Variants in CCDC13 observed in about 807,000 individuals in gnomAD.
CCDC13 encodes the protein coiled-coil domain-containing protein 13.
Under a neutral mutation model 87.3 loss-of-function variants are expected in CCDC13, and 70 were observed. The observed-to-expected ratio is 0.80, with a 90% CI of 0.66 to 0.98. CCDC13 has a LOEUF of 0.98. Among genes scored for constraint, CCDC13 ranks in the 50% least tolerant of loss-of-function variants. CCDC13 has a pLI of 0.00. For synonymous variants in CCDC13, 317 were observed against 360.3 expected (o/e 0.88, Z 1.36); for missense variants, 842 against 892.0 (o/e 0.94, Z 0.71).
intron 7 of CCDC13, among the ~76,000 whole-genome samples, chr3:42,744,260 A>G (rs969455318): frequency 6.6e-6 from 1 of 152,176 alleles, no homozygotes; most frequent in African/African-American, 2.4e-5. Flanking sequence ...CCACAGAACA[A>G]TGCCCTTATC....
At chr3:42,760,799 A>C (rs1380871311) in intron 1 of CCDC13, among the ~76,000 whole-genome samples, 2 of 151,976 alleles carry the variant, frequency 1.3e-5, no homozygotes, top group Non-Finnish European at 2.9e-5. Context: ...ATTAATTAAA[A>C]TAAAATAAAA....
In CCDC13 at chr3:42,768,595, G is replaced by C. The variant is rs923419942; in HGVS notation, c.-7+4581C>G. On this transcript the variant is annotated intron_variant, in intron 1 of 15. Transcript: ENST00000310232. ...ACCTGCAGTCCCAGCTACTCGGAAGGCTGAGGCAGGAGAATCGCTTGAACC... is the reference window on the plus strand; with the variant it reads ...ACCTGCAGTCCCAGCTACTCGGAAGCCTGAGGCAGGAGAATCGCTTGAACC... Among the ~76,000 whole-genome samples the C allele has an allele frequency of 5.3e-5, 8 of 152,236 alleles. No homozygotes were observed. In the East Asian group the frequency reaches 1.5e-3, roughly 29 times the overall value.
chr3:42,727,390 T>G (rs1698716172), intron 13 of CCDC13, among the ~76,000 whole-genome samples: 1 of 150,850 alleles, frequency 6.6e-6, no homozygotes, highest in Non-Finnish European at 1.5e-5. Context: ...AAAAGAAAAA[T>G]AAATAAATAA....
At chr3:42,757,820 T>C (rs1002029636) in intron 2 of CCDC13, among the ~76,000 whole-genome samples, 1 of 152,032 alleles carries the variant, frequency 6.6e-6, no homozygotes, top group Non-Finnish European at 1.5e-5. Context: ...AAATCAATAA[T>C]AAAAAATAGA....
rs551637301 is a variant in CCDC13, at chr3:42,741,863, C to G, written c.987+1033G>C. 2.9e-4 allele frequency among the ~76,000 whole-genome samples: 44 copies of G among 152,356 alleles called. No homozygotes were observed. The South Asian group carries it at 8.9e-3, about 31-fold the overall frequency. ...GGTCTCACTGTTTCCCTCCTCACAG[C>G]TGATGGTCTACAGCGCTGGGAGGTG... On this transcript the variant is annotated intron_variant, in intron 8 of 15. Coordinates refer to ENST00000310232, the MANE Select transcript of CCDC13 (RefSeq NM_144719.4).
chr3:42,744,966 G>T (rs140480190), intron 7 of CCDC13: 14 of 152,308 alleles, frequency 9.2e-5, no homozygotes, highest in African/African-American at 3.1e-4. Flanking sequence ...GACATAGGAA[G>T]ATGAAGGGGT....
intron 1 of CCDC13, among the ~76,000 whole-genome samples, chr3:42,763,136 A>C (rs1699867698): frequency 6.6e-6 from 1 of 152,232 alleles, no homozygotes; most frequent in Non-Finnish European, 1.5e-5. Context: ...AGTGAGGTAC[A>C]GAAACAGCTA....
intron 5 of CCDC13, among the ~76,000 whole-genome samples, chr3:42,748,576 G>C (rs183824427): frequency 7.9e-5 from 12 of 152,334 alleles, no homozygotes; most frequent in Admixed American, 7.2e-4. Context: ...ACAGATCCAA[G>C]TATACTGGGT....
At chr3:42,742,746 G>T in intron 8 of CCDC13, 150 bp downstream of exon 8, 2 of 897,202 alleles carry the variant, frequency 2.2e-6, no homozygotes, top group Non-Finnish European at 3.4e-6. Flanking sequence ...AGGACATGAG[G>T]AACATGCAGA....
chr3:42,749,779 C>A, intron 5 of CCDC13: 1 of 431,210 alleles, frequency 2.3e-6, no homozygotes, highest in Non-Finnish European at 4.7e-6. Flanking sequence ...ATAACTAAAG[C>A]GCAGTACATG....
intron 1 of CCDC13, among the ~76,000 whole-genome samples, chr3:42,772,075 C>G (rs1379895899): frequency 1.3e-5 from 2 of 151,652 alleles, no homozygotes; most frequent in Non-Finnish European, 2.9e-5. Context: ...AGTTTGAGAC[C>G]AGCCTGGCCA....
chr3:42,708,756 C>A lies in CCDC13; in HGVS notation c.*224G>T. The A allele has an allele frequency of 2.2e-6, 1 of 449,134 alleles. No individual in the cohort carries two copies. Among genetic ancestry groups the A allele is most frequent in the Non-Finnish European group, 3.9e-6 (1 of 259,388 alleles). The allele number at this position is 449,134 out of a possible 1,614,324, so 27.8% of individuals were successfully genotyped here. On this transcript the variant is annotated 3_prime_UTR_variant, in exon 16 of 16. Coordinates refer to ENST00000310232, the MANE Select transcript of CCDC13 (RefSeq NM_144719.4). ...TGCTGGGCCTCCCTGCTGCTGTAAC[C>A]CAGCCAGCCCAGGGTCTCCTGCAGT...
chr3:42,742,780 T>C, intron 8 of CCDC13, 116 bp downstream of exon 8: 1 of 1,327,842 alleles, frequency 7.5e-7, no homozygotes, highest in Non-Finnish European at 1.0e-6. Context: ...CCCAGGTGTC[T>C]CCTGCCTAGA....
At chr3:42,769,568 C>T (rs575107961) in intron 1 of CCDC13, among the ~76,000 whole-genome samples, 58 of 152,248 alleles carry the variant, frequency 3.8e-4, no homozygotes, top group Non-Finnish European at 7.2e-4. Flanking sequence ...TCGCAGCCCT[C>T]GCTCACTCTG....
At chr3:42,730,099 T>C (rs530792781) in intron 13 of CCDC13, among the ~76,000 whole-genome samples, 2 of 152,224 alleles carry the variant, frequency 1.3e-5, no homozygotes, top group South Asian at 4.2e-4. Flanking sequence ...CTAGCTTGTG[T>C]TTTCTTCCCA....
intron 1 of CCDC13, among the ~76,000 whole-genome samples, chr3:42,768,799 T>C (rs779433717): frequency 2.6e-5 from 4 of 151,978 alleles, no homozygotes; most frequent in Non-Finnish European, 5.9e-5. Context: ...ATCCAACATA[T>C]ACAAAGAATT....
Position 42,757,234 on chromosome 3 carries a change from T to C in CCDC13, c.222-20A>G. 2.5e-6 allele frequency: 4 copies of C among 1,608,634 alleles called. No individual in the cohort carries two copies. Among genetic ancestry groups the C allele is most frequent in the Non-Finnish European group, 2.5e-6 (3 of 1,176,980 alleles). ...AGCACCCTACAAGGCAAAGGCAGAA[T>C]TAATGCTCCTCCAAGGCAAAGGCCC... On this transcript the variant is annotated intron_variant, in intron 2 of 15. Coordinates refer to ENST00000310232, the MANE Select transcript of CCDC13 (RefSeq NM_144719.4).
chr3:42,707,160 A>T lies in CCDC13; in HGVS notation c.*1820T>A, dbSNP rs920771468. On this transcript the variant is annotated 3_prime_UTR_variant, in exon 16 of 16. Coordinates refer to ENST00000310232, the MANE Select transcript of CCDC13 (RefSeq NM_144719.4). ...CAGAGCCTGTACCCCTCATACTCAG[A>T]TCACCCTCTGGAGCTCCTCAGGGCC... 6.6e-5 allele frequency among the ~76,000 whole-genome samples: 10 copies of T among 152,048 alleles called. No homozygotes were observed. The highest frequency in any genetic ancestry group is 2.4e-4 in the African/African-American group (10 of 41,412).
intron 2 of CCDC13, 32 bp downstream of exon 2, chr3:42,758,092 CA>C (rs1699746259): frequency 1.2e-5 from 19 of 1,559,090 alleles, no homozygotes; most frequent in Admixed American, 3.3e-5. Context: ...CACACACACA[CA>C]CACCCCTGAG....
Sources: gnomAD v4.1 joint callset for allele counts (sites outside exome capture counted in the v4.1 genomes callset) on GRCh38, gnomAD v4.1.1 for gene constraint, MANE v1.5 for transcripts, NCBI Gene and HGNC (gene_info 2026-07-23, HGNC 2026-07-21) for gene names.